Variants in SH3RF3 observed in about 807,000 individuals in gnomAD.
The protein encoded by SH3RF3 is E3 ubiquitin-protein ligase SH3RF3.
In SH3RF3, 29 loss-of-function variants were observed where a neutral mutation model predicts 66.3. That is an observed-to-expected ratio of 0.44 (90% CI 0.33 to 0.60). SH3RF3 has a LOEUF of 0.60. Ranked by LOEUF, SH3RF3 falls within the 20% of genes least tolerant of loss-of-function variation. SH3RF3 has a pLI of 0.04. For missense variants in SH3RF3, 1,194 were observed against 1,190.9 expected (o/e 1.00, Z -0.04); for synonymous variants, 583 against 532.0 (o/e 1.10, Z -1.32).
At position 109,258,056 on chromosome 2, in the gene SH3RF3, A is replaced by G. The variant is rs946951998; in HGVS notation, c.574-89618A>G. 1.5e-4 allele frequency among the ~76,000 whole-genome samples: 23 copies of G among 152,198 alleles called. 1 individual carries two copies. The highest frequency in any genetic ancestry group is 3.1e-4 in the Non-Finnish European group (21 of 68,044). ...CACTTTCTTATTTGCTGACCCTCAC[A>G]GCCCTGCCATCCCTGGGCTACCAGG... On this transcript the variant is annotated intron_variant, in intron 1 of 9. Coordinates refer to ENST00000309415, the MANE Select transcript of SH3RF3 (RefSeq NM_001099289.3).
intron 1 of SH3RF3, among the ~76,000 whole-genome samples, chr2:109,269,071 C>T (rs1680569913): frequency 1.3e-5 from 2 of 152,184 alleles, no homozygotes; most frequent in Admixed American, 1.3e-4. Context: ...CCGCACTGTG[C>T]TCTGTCCATG....
At chr2:109,184,939 A>G (rs1031386030) in intron 1 of SH3RF3, among the ~76,000 whole-genome samples, 9 of 152,248 alleles carry the variant, frequency 5.9e-5, no homozygotes, top group African/African-American at 2.2e-4. Context: ...TACATTTTCC[A>G]TTTATTTCCA....
intron 1 of SH3RF3, among the ~76,000 whole-genome samples, chr2:109,209,128 C>T (rs1678908774): frequency 6.6e-6 from 1 of 152,230 alleles, no homozygotes; most frequent in African/African-American, 2.4e-5. Flanking sequence ...ACTGTTGCCA[C>T]TGGGAAGTGG....
At chr2:109,154,433 C>T (rs1417320392) in intron 1 of SH3RF3, among the ~76,000 whole-genome samples, 1 of 152,202 alleles carries the variant, frequency 6.6e-6, no homozygotes, top group Non-Finnish European at 1.5e-5. Context: ...GTTGAAGCTG[C>T]AGCATCATGG....
At chr2:109,400,710 GCA>G (rs769073463) in intron 4 of SH3RF3, among the ~76,000 whole-genome samples, 28 of 152,338 alleles carry the variant, frequency 1.8e-4, no homozygotes, top group Admixed American at 1.0e-3. Context: ...GCATATGTGT[GCA>G]CACACACAAA....
chr2:109,343,434 C>T lies in SH3RF3; in HGVS notation c.574-4240C>T, dbSNP rs528449937. Among the ~76,000 whole-genome samples the T allele has an allele frequency of 1.3e-3, 199 of 152,174 alleles. 1 individual carries two copies. The highest frequency in any genetic ancestry group is 4.4e-3 in the African/African-American group (184 of 41,530). The stretch of plus-strand genomic sequence containing the variant: ...AGGTTCATTCCCCCTCTTGGTTTTG[C>T]TCTGTCCAATCTGAGTCTGGCAGTC... On this transcript the variant is annotated intron_variant, in intron 1 of 9. Transcript: ENST00000309415.
intron 1 of SH3RF3, among the ~76,000 whole-genome samples, chr2:109,323,487 G>A (rs1682077105): frequency 6.6e-6 from 1 of 152,212 alleles, no homozygotes; most frequent in African/African-American, 2.4e-5. Context: ...TGCATTCTCT[G>A]TTAGTGATTG....
chr2:109,479,170 C>T (rs991023660), intron 8 of SH3RF3, among the ~76,000 whole-genome samples: 4 of 152,282 alleles, frequency 2.6e-5, no homozygotes, highest in South Asian at 4.2e-4. Flanking sequence ...AGTGAGTGCA[C>T]GGCCTGCCCT....
chr2:109,485,189 T>C (rs1221892824), intron 8 of SH3RF3, among the ~76,000 whole-genome samples: 1 of 152,172 alleles, frequency 6.6e-6, no homozygotes, highest in African/African-American at 2.4e-5. Context: ...TGATCTTAAA[T>C]ATTGCCTGAG....
intron 4 of SH3RF3, among the ~76,000 whole-genome samples, chr2:109,416,904 CA>C (rs59855463): frequency 0.11 from 7,197 of 64,390 alleles, 247 homozygotes; most frequent in African/African-American, 0.22. Context: ...GACTTCATCT[CA>C]AAAAAAAAAA....
At chr2:109,324,496 A>C (rs1181337563) in intron 1 of SH3RF3, among the ~76,000 whole-genome samples, 1 of 152,242 alleles carries the variant, frequency 6.6e-6, no homozygotes, top group African/African-American at 2.4e-5. Flanking sequence ...AGTGGATGTG[A>C]AGTAGTTTTG....
intron 8 of SH3RF3, among the ~76,000 whole-genome samples, chr2:109,488,913 T>C (rs955875724): frequency 2.0e-5 from 3 of 152,116 alleles, no homozygotes; most frequent in African/African-American, 7.2e-5. Context: ...CGGAGTCAGG[T>C]ATCTGGATCC....
chr2:109,215,169 C>T (rs1016994963), intron 1 of SH3RF3, among the ~76,000 whole-genome samples: 3 of 152,324 alleles, frequency 2.0e-5, no homozygotes, highest in East Asian at 1.9e-4. Flanking sequence ...TCTCTCTGAG[C>T]ATTGCTCAAT....
Position 109,398,679 on chromosome 2 carries a change from C to G in SH3RF3, c.1035C>G (p.Ser345=). The change falls in exon 4 of 10, where the codon TCC becomes TCG. Residue 345 remains serine, a synonymous_variant. Transcript: ENST00000309415. ...SSCNASLPSD[S]GAVASVAPSP... ...GCAATGCCTCCCTGCCCTCTGACTC[C>G]GGCGCTGTGGCCAGCGTGGCCCCAA... 6.2e-7 allele frequency: 1 copy of G among 1,609,516 alleles called. No individual in the cohort carries two copies. Among genetic ancestry groups the G allele is most frequent in the Non-Finnish European group, 8.5e-7 (1 of 1,178,212 alleles).
chr2:109,427,335 C>T (rs1030365885), intron 5 of SH3RF3, among the ~76,000 whole-genome samples: 4 of 152,140 alleles, frequency 2.6e-5, no homozygotes, highest in East Asian at 1.9e-4. Context: ...ATACTTAATA[C>T]GCTACTGTAT....
intron 9 of SH3RF3, among the ~76,000 whole-genome samples, chr2:109,495,477 C>CTTTTTTTTTTTTTTTTTTTT (rs569509984): frequency 1.1e-5 from 1 of 94,240 alleles, no homozygotes; most frequent in African/African-American, 4.6e-5. Context: ...TCTTTCATTC[C>CTTTTTTTTTTTTTTTTTTTT]TTTTTTTTTT....
intron 1 of SH3RF3, among the ~76,000 whole-genome samples, chr2:109,208,361 G>A (rs1369957828): frequency 6.6e-6 from 1 of 152,244 alleles, no homozygotes; most frequent in Non-Finnish European, 1.5e-5. Flanking sequence ...TACAGCAGAA[G>A]TTTCCCATGC....
intron 8 of SH3RF3, among the ~76,000 whole-genome samples, chr2:109,470,040 G>T (rs547382775): frequency 6.6e-6 from 1 of 152,140 alleles, no homozygotes; most frequent in African/African-American, 2.4e-5. Flanking sequence ...CGTGCGTCCT[G>T]TCTGAGGGTT....
intron 7 of SH3RF3, among the ~76,000 whole-genome samples, chr2:109,444,772 G>A (rs953477635): frequency 1.6e-4 from 24 of 152,168 alleles, no homozygotes; most frequent in African/African-American, 5.6e-4. Flanking sequence ...AGCTCAGGGT[G>A]AGCTGGCACA....
Sources: gnomAD v4.1 joint callset for allele counts (sites outside exome capture counted in the v4.1 genomes callset) on GRCh38, gnomAD v4.1.1 for gene constraint, MANE v1.5 for transcripts, NCBI Gene and HGNC (gene_info 2026-07-23, HGNC 2026-07-21) for gene names.